The following PDE3B variants were observed in gnomAD, a reference collection of about 807,000 sequenced individuals.
PDE3B encodes the protein cGMP-inhibited 3',5'-cyclic phosphodiesterase 3B.
A neutral mutation model predicts 116.8 loss-of-function variants in PDE3B; 66 were observed. That is an observed-to-expected ratio of 0.56 (90% CI 0.46 to 0.69). The LOEUF (loss-of-function observed/expected upper bound fraction) is 0.69, where lower values mean the gene tolerates loss of function less well. Among genes scored for constraint, PDE3B ranks in the 30% least tolerant of loss-of-function variants. The pLI, the probability that PDE3B is intolerant of heterozygous loss-of-function variation, is 0.00. For missense variants in PDE3B, 1,384 were observed against 1,368.1 expected, an observed-to-expected ratio of 1.01 and a Z score of -0.18; for synonymous variants, 595 against 533.6, an observed-to-expected ratio of 1.12 and a Z score of -1.59.
chr11:14,673,697 T>C, intron 1 of PDE3B: 1 of 743,262 alleles, frequency 1.3e-6, no homozygotes, highest in Non-Finnish European at 2.5e-6. Flanking sequence ...AATTCAGTAA[T>C]TAAGCAAGGC....
chr11:14,662,913 A>G (rs1425595104), intron 1 of PDE3B, among the ~76,000 whole-genome samples: 4 of 152,188 alleles, frequency 2.6e-5, no homozygotes, highest in Non-Finnish European at 5.9e-5. Flanking sequence ...AACTTCCCCA[A>G]TCTAGCAAGG....
the PDE3B span, among the ~76,000 whole-genome samples, chr11:14,896,814 C>G: frequency 2.4e-4 from 37 of 152,270 alleles, no homozygotes; most frequent in South Asian, 7.5e-3. Flanking sequence ...TAATTTAAAG[C>G]CTTCTTCTGC....
the PDE3B span, among the ~76,000 whole-genome samples, chr11:14,893,883 G>A: frequency 6.6e-6 from 1 of 152,120 alleles, no homozygotes; most frequent in Non-Finnish European, 1.5e-5. Flanking sequence ...GGGGAGGGGA[G>A]CATTATTCTG....
chr11:14,830,506 T>C (rs1333582514), intron 7 of PDE3B, among the ~76,000 whole-genome samples, 192 bp from the exon 8 acceptor site: 1 of 152,108 alleles, frequency 6.6e-6, no homozygotes, highest in African/African-American at 2.4e-5. Flanking sequence ...GAAGTGTCTT[T>C]GTTGCCTGAG....
intron 1 of PDE3B, among the ~76,000 whole-genome samples, chr11:14,678,745 G>A (rs1023344670): frequency 3.9e-5 from 6 of 152,100 alleles, no homozygotes; most frequent in Admixed American, 6.6e-5. Context: ...TCAGAGAACC[G>A]AAGATTTTAA....
At chr11:14,794,806 A>T (rs1309457856) in intron 4 of PDE3B, among the ~76,000 whole-genome samples, 1 of 152,206 alleles carries the variant, frequency 6.6e-6, no homozygotes, top group Non-Finnish European at 1.5e-5. Flanking sequence ...GTAATTTGCT[A>T]GAGCAGCTCA....
rs1450401053 is a variant in PDE3B at position 14,644,428 on chromosome 11, G to A, written c.353G>A (p.Ser118Asn). 1.2e-6 allele frequency: 2 copies of A among 1,612,340 alleles called. No homozygotes were observed. Among genetic ancestry groups the A allele is most frequent in the Non-Finnish European group, 1.7e-6 (2 of 1,179,444 alleles). ...LRTLLSVCSHSLSPLFSIACA... is the reference protein window; with the variant it reads ...LRTLLSVCSHNLSPLFSIACA... The stretch of plus-strand genomic sequence containing the variant: ...ACGCTGCTGAGCGTGTGTTCGCACA[G>A]CTTGAGCCCCCTCTTCAGCATCGCC... The change falls in exon 1 of 16, where the codon AGC becomes AAC. Residue 118 changes from serine (S) to asparagine (N), a missense_variant. Transcript: ENST00000282096.
At chr11:14,666,592 A>C (rs1236599151) in intron 1 of PDE3B, among the ~76,000 whole-genome samples, 1 of 151,876 alleles carries the variant, frequency 6.6e-6, no homozygotes, top group African/African-American at 2.4e-5. Context: ...TACAAGAAAA[A>C]AACACACAAC....
the PDE3B span, among the ~76,000 whole-genome samples, chr11:14,896,660 C>T: frequency 6.6e-6 from 1 of 152,132 alleles, no homozygotes; most frequent in African/African-American, 2.4e-5. Context: ...TCCAGGGACT[C>T]CCCCATGATC....
the PDE3B span, chr11:14,879,540 G>A: frequency 2.2e-6 from 2 of 905,124 alleles, no homozygotes; most frequent in Non-Finnish European, 3.5e-6. Context: ...CCTATAACAA[G>A]CCAATAGGAT....
intron 1 of PDE3B, among the ~76,000 whole-genome samples, chr11:14,738,068 A>G (rs1358688813): frequency 5.3e-5 from 8 of 152,098 alleles, no homozygotes; most frequent in Admixed American, 1.3e-4. Flanking sequence ...GAATAGGGCC[A>G]CAATAAACAT....
intron 1 of PDE3B, among the ~76,000 whole-genome samples, chr11:14,666,435 G>T (rs1242369279): frequency 6.6e-6 from 1 of 150,838 alleles, no homozygotes; most frequent in Non-Finnish European, 1.5e-5. Context: ...TGACAAATGG[G>T]ATCTAATTAA....
chr11:14,792,734 T>C (rs1858428060), intron 4 of PDE3B, among the ~76,000 whole-genome samples: 1 of 152,196 alleles, frequency 6.6e-6, no homozygotes, highest in Non-Finnish European at 1.5e-5. Flanking sequence ...CTGAACTATT[T>C]GATCTTCTCT....
intron 4 of PDE3B, among the ~76,000 whole-genome samples, chr11:14,794,022 T>C (rs990534156): frequency 4.6e-5 from 7 of 152,222 alleles, no homozygotes; most frequent in African/African-American, 1.2e-4. Flanking sequence ...GTACAGACCT[T>C]GTTAAGGTAA....
chr11:14,672,670 T>A (rs1342975115), intron 1 of PDE3B, among the ~76,000 whole-genome samples: 1 of 152,166 alleles, frequency 6.6e-6, no homozygotes, highest in East Asian at 1.9e-4. Context: ...CTGCCACCTC[T>A]TAGGGTCTTG....
At chr11:14,859,307 A>C in intron 13 of PDE3B, 61 bp downstream of exon 13, 1 of 1,200,456 alleles carries the variant, frequency 8.3e-7, no homozygotes, top group Non-Finnish European at 1.2e-6. Context: ...TACTGATAAA[A>C]TATGTTTTTT....
Position 14,843,809 on chromosome 11 carries a change from C to G in PDE3B, c.2321-18C>G, listed in dbSNP as rs1368850467. ...TATGTGCTAATGCTGGTTTATTTTG[C>G]TATTTATTGTTTCTCAGATTCTGAT... On this transcript the variant is annotated intron_variant, in intron 11 of 15. Coordinates refer to ENST00000282096, the MANE Select transcript of PDE3B (RefSeq NM_000922.4). 1 of 1,598,696 alleles carries G rather than the reference C, an allele frequency of 6.3e-7. No individual in the cohort carries two copies. Among genetic ancestry groups the G allele is most frequent in the East Asian group, 2.2e-5 (1 of 44,778 alleles).
At chr11:14,837,704 G>A (rs1270513314) in intron 11 of PDE3B, among the ~76,000 whole-genome samples, 1 of 152,098 alleles carries the variant, frequency 6.6e-6, no homozygotes, top group Admixed American at 6.6e-5. Context: ...GTTCTTACTA[G>A]CAGTGTTATG....
At chr11:14,747,606 G>T (rs573832776) in intron 1 of PDE3B, among the ~76,000 whole-genome samples, 2 of 152,238 alleles carry the variant, frequency 1.3e-5, no homozygotes, top group South Asian at 4.2e-4. Flanking sequence ...TTTATGTGCT[G>T]TATAAAGTTT....
Sources: gnomAD v4.1 joint callset for allele counts (sites outside exome capture counted in the v4.1 genomes callset) on GRCh38, gnomAD v4.1.1 for gene constraint, MANE v1.5 for transcripts, NCBI Gene and HGNC (gene_info 2026-07-23, HGNC 2026-07-21) for gene names.